UBR3: variants seen among roughly 807,000 people sequenced by gnomAD.
The protein encoded by UBR3 is ubiquitin protein ligase E3 component n-recognin 3.
A neutral mutation model predicts 243.2 loss-of-function variants in UBR3; 85 were observed. The ratio of observed to expected loss-of-function variants is 0.35; its 90% CI spans 0.29 to 0.42. The LOEUF (loss-of-function observed/expected upper bound fraction) is 0.42, where lower values mean the gene tolerates loss of function less well. Among genes scored for constraint, UBR3 ranks in the 10% least tolerant of loss-of-function variants. The pLI, the probability that UBR3 is intolerant of heterozygous loss-of-function variation, is 1.00. For synonymous variants in UBR3, 748 were observed against 799.8 expected, an observed-to-expected ratio of 0.94 and a Z score of 1.09; for missense variants, 1,686 against 2,300.8, an observed-to-expected ratio of 0.73 and a Z score of 5.47.
chr2:170,045,884 C>T (rs747374713), intron 32 of UBR3, among the ~76,000 whole-genome samples: 16 of 151,614 alleles, frequency 1.1e-4, no homozygotes, highest in South Asian at 4.2e-4. Flanking sequence ...AAATCGTGAA[C>T]ACAATTAAAA....
intron 30 of UBR3, among the ~76,000 whole-genome samples, chr2:170,020,300 G>T (rs2090355731): frequency 6.6e-6 from 1 of 152,124 alleles, no homozygotes; most frequent in African/African-American, 2.4e-5. Flanking sequence ...ACAAAAATGT[G>T]TAAATTGTCT....
chr2:169,876,050 A>G, intron 3 of UBR3, 101 bp downstream of exon 3: 2 of 989,556 alleles, frequency 2.0e-6, no homozygotes, highest in Non-Finnish European at 2.7e-6. Context: ...GAATTTTCAT[A>G]GAATGCTAAA....
intron 20 of UBR3, among the ~76,000 whole-genome samples, chr2:169,945,733 G>A (rs1194798170): frequency 6.6e-6 from 1 of 152,172 alleles, no homozygotes; most frequent in Non-Finnish European, 1.5e-5. Flanking sequence ...GAAATCCTGT[G>A]TAAGATGTAT....
At position 169,872,391 on chromosome 2, in the gene UBR3, CT is replaced by C. The variant is rs2083464636; in HGVS notation, c.685+18del. Reference sequence around the variant, plus strand: ...AATGAACCAGGTATGTTTTAATCTACTTCTTGTTAGTACTCTTTTTAAATTG... The same window carrying C: ...AATGAACCAGGTATGTTTTAATCTACTCTTGTTAGTACTCTTTTTAAATTG... On this transcript the variant is annotated intron_variant, in intron 2 of 38. Coordinates refer to ENST00000272793, the MANE Select transcript of UBR3 (RefSeq NM_172070.4). 2 of 1,422,846 alleles carry C rather than the reference CT, an allele frequency of 1.4e-6. No individual in the cohort carries two copies. Among genetic ancestry groups the C allele is most frequent in the Non-Finnish European group, 9.5e-7 (1 of 1,055,942 alleles). The allele number at this position is 1,422,846 out of a possible 1,614,324, so 88.1% of individuals were successfully genotyped here.
chr2:170,062,428 A>G (rs988876996), intron 35 of UBR3, among the ~76,000 whole-genome samples: 1 of 152,230 alleles, frequency 6.6e-6, no homozygotes, highest in Non-Finnish European at 1.5e-5. Flanking sequence ...CATTACATTA[A>G]ATAGTTTTGA....
At chr2:169,884,418 G>A (rs1324580888) in intron 5 of UBR3, among the ~76,000 whole-genome samples, 1 of 152,154 alleles carries the variant, frequency 6.6e-6, no homozygotes, top group Non-Finnish European at 1.5e-5. Flanking sequence ...AAACTGCTGG[G>A]TTTACAGGCG....
chr2:169,887,452 T>C (rs1232731623), intron 5 of UBR3, among the ~76,000 whole-genome samples: 1 of 152,182 alleles, frequency 6.6e-6, no homozygotes, highest in Non-Finnish European at 1.5e-5. Context: ...GATAACTGTT[T>C]TGTTTTCGTT....
intron 25 of UBR3, among the ~76,000 whole-genome samples, chr2:169,994,043 A>G (rs540569299): frequency 6.6e-6 from 1 of 152,298 alleles, no homozygotes; most frequent in South Asian, 2.1e-4. Flanking sequence ...TATATCATGT[A>G]GGCTTTTTCA....
At position 170,033,577 on chromosome 2, in the gene UBR3, ACC is replaced by A. The variant is rs1250645725; in HGVS notation, c.4556+4131_4556+4132del. ...CGGAAAATTTGATTGGTTTTTCCAC[ACC>A]CACCCCCCCCCCCCCCAATATTTGC... On this transcript the variant is annotated intron_variant, in intron 31 of 38. Transcript: ENST00000272793. Among the ~76,000 whole-genome samples the A allele has an allele frequency of 3.3e-3, 132 of 39,472 alleles. 1 individual carries two copies. The highest frequency in any genetic ancestry group is 0.017 in the African/African-American group (112 of 6,676). 25.9% of individuals were successfully genotyped at this position (39,472 alleles called of 152,430 possible). A position where few individuals can be genotyped will look rare whatever the true frequency, so the allele number is the denominator to read the frequency against.
chr2:170,060,501 T>C lies in UBR3; in HGVS notation c.4786-578T>C, dbSNP rs114846084. On this transcript the variant is annotated intron_variant, in intron 33 of 38. Transcript: ENST00000272793. ...TTGTAAATGAAAAAAATTTGTGGTC[T>C]ATATTTTTTCTATTGTATGCATATG... is the stretch of plus-strand genomic sequence containing the variant. Among the ~76,000 whole-genome samples, 1,343 of 152,278 alleles carry C rather than the reference T, an allele frequency of 8.8e-3. 18 individuals are homozygous for C. Among genetic ancestry groups the C allele is most frequent in the African/African-American group, 0.029 (1,210 of 41,574 alleles).
intron 28 of UBR3, 144 bp downstream of exon 28, chr2:170,007,334 A>G: frequency 1.2e-6 from 1 of 800,960 alleles, no homozygotes; most frequent in Non-Finnish European, 1.9e-6. Flanking sequence ...TTCTATTTAT[A>G]CTTAAATAAA....
chr2:170,035,933 A>G (rs1465883689), intron 31 of UBR3, among the ~76,000 whole-genome samples: 4 of 142,954 alleles, frequency 2.8e-5, no homozygotes, highest in African/African-American at 1.0e-4. Flanking sequence ...GCTAATTTAA[A>G]TGATGCTGTG....
chr2:169,971,819 T>A (rs758954022), intron 24 of UBR3, among the ~76,000 whole-genome samples: 4 of 151,932 alleles, frequency 2.6e-5, no homozygotes, highest in Admixed American at 6.6e-5. Flanking sequence ...GCAGGAAAGA[T>A]CCAAAATTGA....
At chr2:169,974,735 A>G (rs2088343592) in intron 24 of UBR3, among the ~76,000 whole-genome samples, 1 of 151,930 alleles carries the variant, frequency 6.6e-6, no homozygotes, top group Non-Finnish European at 1.5e-5. Flanking sequence ...TGGTTCCTTG[A>G]GATACATTAT....
chr2:170,074,568 A>G (rs1408242850), intron 36 of UBR3, among the ~76,000 whole-genome samples: 1 of 152,176 alleles, frequency 6.6e-6, no homozygotes, highest in East Asian at 1.9e-4. Flanking sequence ...TTTCATAAGT[A>G]TGCTATACAT....
intron 19 of UBR3, among the ~76,000 whole-genome samples, chr2:169,934,392 A>C (rs1382706539): frequency 6.6e-6 from 1 of 152,220 alleles, no homozygotes; most frequent in African/African-American, 2.4e-5. Context: ...GATTGGGCTG[A>C]AACTTTCAAA....
intron 11 of UBR3, among the ~76,000 whole-genome samples, chr2:169,915,433 A>ACCATGTTGG (rs2085426264): frequency 1.3e-5 from 2 of 152,016 alleles, no homozygotes; most frequent in East Asian, 1.9e-4. Context: ...ACGGAGTTTC[A>ACCATGTTGG]CCATGTTGGC....
chr2:169,991,701 G>T (rs1040917365), intron 25 of UBR3, among the ~76,000 whole-genome samples: 4 of 152,044 alleles, frequency 2.6e-5, no homozygotes, highest in Non-Finnish European at 1.5e-5. Flanking sequence ...TCCTGCCTCA[G>T]CTTCCCAAGT....
chr2:170,064,803 A>ATTTTTTTTTTTTTTTTTTTTC (rs2091521720), intron 35 of UBR3, among the ~76,000 whole-genome samples: 1 of 87,878 alleles, frequency 1.1e-5, no homozygotes, highest in Non-Finnish European at 2.2e-5. Flanking sequence ...TGCTTTTTCT[A>ATTTTTTTTTTTTTTTTTTTTC]TTTTTTTTTT....
Sources: gnomAD v4.1 joint callset for allele counts (sites outside exome capture counted in the v4.1 genomes callset) on GRCh38, gnomAD v4.1.1 for gene constraint, MANE v1.5 for transcripts, NCBI Gene and HGNC (gene_info 2026-07-23, HGNC 2026-07-21) for gene names.